TIMP2: variants seen among roughly 807,000 people sequenced by gnomAD.
The protein encoded by TIMP2 is TIMP metallopeptidase inhibitor 2.
TIMP2 carries 5 observed loss-of-function variants against 24.3 expected under a neutral mutation model. The observed-to-expected ratio is 0.21, with a 90% CI of 0.11 to 0.43. The LOEUF is 0.43. Among genes scored for constraint, TIMP2 ranks in the 20% least tolerant of loss-of-function variants. The probability of loss-of-function intolerance (pLI) is 1.00; values close to 1 mark genes in which losing one functional copy is unlikely to be tolerated. For missense variants in TIMP2, 221 were observed against 297.5 expected (o/e 0.74, Z 1.89); for synonymous variants, 130 against 123.2 (o/e 1.06, Z -0.37).
At chr17:78,892,553 G>A in intron 1 of TIMP2, 1 of 1,459,160 alleles carries the variant, frequency 6.9e-7, no homozygotes, top group Non-Finnish European at 9.1e-7. Context: ...CTCACTGTGA[G>A]GACAGGCTGC....
At chr17:78,867,330 TCTC>T (rs1393218224) in intron 3 of TIMP2, among the ~76,000 whole-genome samples, 12 of 151,938 alleles carry the variant, frequency 7.9e-5, no homozygotes. Flanking sequence ...GGGGGGGAAG[TCTC>T]CTATTATCCC....
chr17:78,896,113 G>A lies in TIMP2; in HGVS notation c.131-22194C>T, dbSNP rs1312303487. On this transcript the variant is annotated intron_variant, in intron 1 of 4. Coordinates refer to ENST00000262768, the MANE Select transcript of TIMP2 (RefSeq NM_003255.5). The surrounding 1 kb of genome is among the most constrained non-coding windows in gnomAD (Gnocchi z 4.4). ...CAGCCAGCTCCATCCTTCAGGAATC[G>A]ATCCCCGCTCTGACACCATCAGATG... 6.6e-6 allele frequency among the ~76,000 whole-genome samples: 1 copy of A among 152,184 alleles called. No individual in the cohort carries two copies. Among genetic ancestry groups the A allele is most frequent in the Non-Finnish European group, 1.5e-5 (1 of 68,038 alleles).
At chr17:78,887,686 C>T (rs972827757) in intron 1 of TIMP2, among the ~76,000 whole-genome samples, 5 of 148,762 alleles carry the variant, frequency 3.4e-5, no homozygotes, top group African/African-American at 1.0e-4. Context: ...CGCCCAGCCT[C>T]ATATTTGTAA....
Position 78,891,001 on chromosome 17 carries a change from G to C in TIMP2, c.131-17082C>G, listed in dbSNP as rs1453926700. On this transcript the variant is annotated intron_variant, in intron 1 of 4. Transcript: ENST00000262768. The surrounding 1 kb of genome is among the most constrained non-coding windows in gnomAD (Gnocchi z 4.5). ...CCATCTCTGCTTTCTGCCTTTGCCT[G>C]GATGCCGTCGAGCCCACTCTGTCTG... is the stretch of plus-strand genomic sequence containing the variant. The C allele has an allele frequency of 6.4e-7, 1 of 1,551,184 alleles. No individual in the cohort carries two copies. The highest frequency in any genetic ancestry group is 1.2e-5 in the South Asian group (1 of 84,056).
At chr17:78,915,644 C>G (rs954343476) in intron 1 of TIMP2, among the ~76,000 whole-genome samples, 1 of 151,894 alleles carries the variant, frequency 6.6e-6, no homozygotes, top group African/African-American at 2.4e-5. Flanking sequence ...CTCAGCCTCC[C>G]GAGTAGCTGG....
At position 78,890,830 on chromosome 17, in the gene TIMP2, C is replaced by T. The variant is rs59465275; in HGVS notation, c.131-16911G>A. ...ATCCTCTCTCCCTTTCCTGGGCTCTCGTGGAGGAGGACTTCAGATGGGCCA... is the reference window on the plus strand; with the variant it reads ...ATCCTCTCTCCCTTTCCTGGGCTCTTGTGGAGGAGGACTTCAGATGGGCCA... On this transcript the variant is annotated intron_variant, in intron 1 of 4. Coordinates refer to ENST00000262768, the MANE Select transcript of TIMP2 (RefSeq NM_003255.5). 1.7e-4 allele frequency: 267 copies of T among 1,550,594 alleles called. No homozygotes were observed. In the African/African-American group the frequency reaches 3.3e-3, roughly 19 times the overall value.
chr17:78,868,783 G>A (rs2069641747), intron 3 of TIMP2, among the ~76,000 whole-genome samples: 1 of 152,206 alleles, frequency 6.6e-6, no homozygotes. Flanking sequence ...GCTGGGGGCT[G>A]CTGGACTGGA....
At chr17:78,923,068 A>G (rs930841798) in intron 1 of TIMP2, among the ~76,000 whole-genome samples, 11 of 152,190 alleles carry the variant, frequency 7.2e-5, no homozygotes, top group African/African-American at 2.6e-4. Flanking sequence ...CGGCCACAGG[A>G]AGCGAATGCC....
At chr17:78,916,208 T>TG (rs1162225047) in intron 1 of TIMP2, among the ~76,000 whole-genome samples, 2 of 152,104 alleles carry the variant, frequency 1.3e-5, no homozygotes, top group Non-Finnish European at 2.9e-5. Flanking sequence ...GGTGTGGAAG[T>TG]GGGGGCAGAG....
intron 1 of TIMP2, among the ~76,000 whole-genome samples, chr17:78,923,396 T>TGGGGGGGGGGGGGGG (rs1255104339): frequency 6.7e-4 from 32 of 47,680 alleles, no homozygotes; most frequent in Middle Eastern, 0.017. Flanking sequence ...TGGGGCGGGG[T>TGGGGGGGGGGGGGGG]GGGGGGGGGG....
chr17:78,857,597 G>C lies in TIMP2; in HGVS notation c.390C>G (p.Ile130Met), dbSNP rs145756196. ...GKMHITLCDF[I>M]VPWDTLSTTQ... is the part of the protein sequence containing the mutation. ...TGGTGCTCAGGGTGTCCCAGGGCAC[G>C]ATGAAGTCACAGAGGGTGATGTGCA... Residue 130 changes from isoleucine (I) to methionine (M), a missense_variant, in exon 4 of 5, where the codon ATC becomes ATG. Physicochemically the swap from Ile to Met is conservative, Grantham distance 10 (BLOSUM62 1). Transcript: ENST00000262768. 1 of 1,614,054 alleles carries C rather than the reference G, an allele frequency of 6.2e-7. No homozygotes were observed. Among genetic ancestry groups the C allele is most frequent in the Non-Finnish European group, 8.5e-7 (1 of 1,180,036 alleles).
At chr17:78,888,748 A>T (rs990815473) in intron 1 of TIMP2, among the ~76,000 whole-genome samples, 1 of 152,182 alleles carries the variant, frequency 6.6e-6, no homozygotes, top group African/African-American at 2.4e-5. Flanking sequence ...ATCAGCAGGT[A>T]TATGTCCAAG....
At chr17:78,911,864 G>A (rs969117923) in intron 1 of TIMP2, among the ~76,000 whole-genome samples, 7 of 148,286 alleles carry the variant, frequency 4.7e-5, no homozygotes, top group African/African-American at 1.8e-4. Context: ...AGGCCAACAT[G>A]GTGAAACCCT....
Position 78,925,141 on chromosome 17 carries a change from T to G in TIMP2, c.-53A>C, listed in dbSNP as rs1259535710. 1 of 735,470 alleles carries G rather than the reference T, an allele frequency of 1.4e-6. No individual in the cohort carries two copies. The highest frequency in any genetic ancestry group is 1.6e-6 in the Non-Finnish European group (1 of 610,434). The allele number at this position is 735,470 out of a possible 1,614,324, so 45.6% of individuals were successfully genotyped here. A position where few individuals can be genotyped will look rare whatever the true frequency, so the allele number is the denominator to read the frequency against. ...GGCCGCCGCTGGGGGGTCCGGGCGCTGCTCGCGGCGGCGGGCTGGGGGCGC... is the reference window on the plus strand; with the variant it reads ...GGCCGCCGCTGGGGGGTCCGGGCGCGGCTCGCGGCGGCGGGCTGGGGGCGC... On this transcript the variant is annotated 5_prime_UTR_variant, in exon 1 of 5. Coordinates refer to ENST00000262768, the MANE Select transcript of TIMP2 (RefSeq NM_003255.5).
At chr17:78,909,611 G>A (rs7220798) in intron 1 of TIMP2, among the ~76,000 whole-genome samples, 9,474 of 152,116 alleles carry the variant, frequency 0.062, 400 homozygotes, top group Middle Eastern at 0.12. Context: ...GTGGGCAAAC[G>A]GATTATGTCA....
At chr17:78,889,060 A>T (rs1297868374) in intron 1 of TIMP2, among the ~76,000 whole-genome samples, 1 of 152,192 alleles carries the variant, frequency 6.6e-6, no homozygotes, top group Non-Finnish European at 1.5e-5. Flanking sequence ...GTAGAGTCTC[A>T]TTGGAACCTG....
At chr17:78,888,136 G>A (rs1336071435) in intron 1 of TIMP2, among the ~76,000 whole-genome samples, 1 of 151,724 alleles carries the variant, frequency 6.6e-6, no homozygotes, top group Non-Finnish European at 1.5e-5. Flanking sequence ...AAGTTCAGCA[G>A]GTATATATCT....
At chr17:78,861,257 A>G (rs1324543394) in intron 3 of TIMP2, among the ~76,000 whole-genome samples, 1 of 152,134 alleles carries the variant, frequency 6.6e-6, no homozygotes, top group East Asian at 1.9e-4. Flanking sequence ...CTGAAGCTCT[A>G]TCCTGGCTTC....
rs2145800865 is a variant in TIMP2, at chr17:78,924,732, A to G, written c.130+227T>C. Among the ~76,000 whole-genome samples the G allele has an allele frequency of 6.6e-6, 1 of 151,842 alleles. No individual in the cohort carries two copies. Among genetic ancestry groups the G allele is most frequent in the East Asian group, 2.0e-4 (1 of 5,120 alleles). ...GCGGCGGAATTTCGGTGGAATTTTG[A>G]GGTTGAGACGCATCTCGGCAAAGAG... On this transcript the variant is annotated intron_variant, in intron 1 of 4. Transcript: ENST00000262768. The surrounding 1 kb of genome is among the most constrained non-coding windows in gnomAD (Gnocchi z 5.3).
Sources: gnomAD v4.1 joint callset for allele counts (sites outside exome capture counted in the v4.1 genomes callset) on GRCh38, gnomAD v4.1.1 for gene constraint, Gnocchi (gnomAD v3.1) non-coding constraint, MANE v1.5 for transcripts, NCBI Gene and HGNC (gene_info 2026-07-23, HGNC 2026-07-21) for gene names.